LRMDA: variants seen among roughly 807,000 people sequenced by gnomAD.
LRMDA encodes leucine-rich melanocyte differentiation-associated protein.
A neutral mutation model predicts 29.8 loss-of-function variants in LRMDA; 18 were observed. The observed-to-expected ratio is 0.60, with a 90% CI of 0.42 to 0.90. The LOEUF (loss-of-function observed/expected upper bound fraction) is 0.90. Ranked by LOEUF, LRMDA falls within the 40% of genes least tolerant of loss-of-function variation. The pLI, the probability that LRMDA is intolerant of heterozygous loss-of-function variation, is 0.00. For missense variants in LRMDA, 273 were observed against 273.9 expected (o/e 1.00, Z 0.02); for synonymous variants, 125 against 109.4 (o/e 1.14, Z -0.89).
intron 2 of LRMDA, among the ~76,000 whole-genome samples, chr10:76,011,474 G>A (rs1247163448): frequency 1.1e-4 from 17 of 152,184 alleles, no homozygotes; most frequent in Non-Finnish European, 1.5e-5. Context: ...GAGCCAGTGT[G>A]TGACCATGAG....
intron 6 of LRMDA, among the ~76,000 whole-genome samples, chr10:76,365,107 T>TATATATATATATATATATATACACAC (rs141131236): frequency 9.8e-4 from 60 of 61,216 alleles, no homozygotes; most frequent in African/African-American, 1.8e-3. Context: ...TATATATATA[T>TATATATATATATATATATATACACAC]ACACACACAC....
At chr10:76,180,320 C>T (rs966140543) in intron 5 of LRMDA, among the ~76,000 whole-genome samples, 13 of 130,716 alleles carry the variant, frequency 9.9e-5, no homozygotes, top group Middle Eastern at 4.4e-3. Context: ...GAGTCTCACA[C>T]TGTCACCCCG....
chr10:75,547,493 G>A (rs948712246), intron 2 of LRMDA, among the ~76,000 whole-genome samples: 1 of 152,180 alleles, frequency 6.6e-6, no homozygotes, highest in African/African-American at 2.4e-5. Context: ...TGGGGCTGTG[G>A]TGCCCACACA....
At chr10:75,923,485 C>G (rs1432274807) in intron 2 of LRMDA, among the ~76,000 whole-genome samples, 1 of 152,124 alleles carries the variant, frequency 6.6e-6, no homozygotes, top group East Asian at 1.9e-4. Flanking sequence ...GAGGAAAACC[C>G]CTAGAAATGG....
At chr10:75,568,075 T>C (rs945638816) in intron 2 of LRMDA, among the ~76,000 whole-genome samples, 1 of 152,182 alleles carries the variant, frequency 6.6e-6, no homozygotes, top group Non-Finnish European at 1.5e-5. Flanking sequence ...AGACAAATTG[T>C]AGTCTTTTTA....
At chr10:75,724,160 G>T (rs553603949) in intron 2 of LRMDA, among the ~76,000 whole-genome samples, 45 of 152,308 alleles carry the variant, frequency 3.0e-4, no homozygotes, top group African/African-American at 1.1e-3. Context: ...TGGTAATTCA[G>T]CATGAAAGAA....
chr10:76,149,380 T>C (rs1005284238), intron 5 of LRMDA, among the ~76,000 whole-genome samples: 5 of 152,338 alleles, frequency 3.3e-5, no homozygotes, highest in African/African-American at 9.6e-5. Flanking sequence ...CTGTAAGTGA[T>C]TGGCTGAGTG....
Position 76,298,420 on chromosome 10 carries a change from C to G in LRMDA, c.517-25981C>G, listed in dbSNP as rs555241746. 2.9e-4 allele frequency among the ~76,000 whole-genome samples: 44 copies of G among 152,330 alleles called. 1 individual carries two copies. The East Asian group carries it at 7.2e-3, about 25-fold the overall frequency. On this transcript the variant is annotated intron_variant, in intron 5 of 6. Coordinates refer to ENST00000611255, the MANE Select transcript of LRMDA (RefSeq NM_001305581.2). ...ATCTGGAGTGGCTGCCATCCTCTCT[C>G]CTTGTCCTTTACTTACTCATTAACT...
intron 2 of LRMDA, among the ~76,000 whole-genome samples, chr10:75,676,381 C>T (rs756450278): frequency 1.3e-4 from 20 of 152,154 alleles, no homozygotes; most frequent in African/African-American, 1.9e-4. Flanking sequence ...AAATGATCTT[C>T]GTAATTTTTT....
At chr10:75,901,882 G>A (rs1020775435) in intron 2 of LRMDA, among the ~76,000 whole-genome samples, 15 of 151,876 alleles carry the variant, frequency 9.9e-5, no homozygotes, top group African/African-American at 3.4e-4. Flanking sequence ...CTTTTTCTTC[G>A]CTCCCCAAGT....
chr10:76,161,613 GAC>G (rs1217673766), intron 5 of LRMDA, among the ~76,000 whole-genome samples: 2 of 152,188 alleles, frequency 1.3e-5, no homozygotes, highest in Admixed American at 1.3e-4. Context: ...GTATTAGAAA[GAC>G]ACAGCCCAAG....
At chr10:75,525,787 A>G (rs1187367408) in intron 2 of LRMDA, among the ~76,000 whole-genome samples, 2 of 151,270 alleles carry the variant, frequency 1.3e-5, no homozygotes, top group Non-Finnish European at 2.9e-5. Context: ...CTCTTAGGGT[A>G]TTTCTTACCA....
At chr10:75,913,812 T>C (rs1845884679) in intron 2 of LRMDA, among the ~76,000 whole-genome samples, 1 of 152,228 alleles carries the variant, frequency 6.6e-6, no homozygotes, top group Non-Finnish European at 1.5e-5. Flanking sequence ...GAGAACGTCC[T>C]GGAGCCCCTG....
chr10:75,436,406 A>AT (rs1216743870), intron 1 of LRMDA, among the ~76,000 whole-genome samples: 3 of 151,790 alleles, frequency 2.0e-5, no homozygotes, highest in Non-Finnish European at 4.4e-5. Flanking sequence ...AATGGGATGG[A>AT]TTTTCTGGTG....
At chr10:76,288,444 A>G (rs1408659206) in intron 5 of LRMDA, among the ~76,000 whole-genome samples, 2 of 152,228 alleles carry the variant, frequency 1.3e-5, no homozygotes, top group African/African-American at 4.8e-5. Flanking sequence ...CCACTATGGA[A>G]TACTATGCAG....
chr10:76,120,740 C>G (rs1354855694), intron 5 of LRMDA, among the ~76,000 whole-genome samples: 1 of 151,908 alleles, frequency 6.6e-6, no homozygotes, highest in Admixed American at 6.6e-5. Context: ...GGACTTGAAT[C>G]AAGACCAATA....
At chr10:75,935,990 T>G (rs1301719267) in intron 2 of LRMDA, among the ~76,000 whole-genome samples, 2 of 150,924 alleles carry the variant, frequency 1.3e-5, no homozygotes, top group Non-Finnish European at 2.9e-5. Context: ...TGCCCCCTCA[T>G]TTTTATTTTT....
chr10:76,003,672 A>G (rs1847599422), intron 2 of LRMDA, among the ~76,000 whole-genome samples: 1 of 152,152 alleles, frequency 6.6e-6, no homozygotes. Flanking sequence ...AGATGAGTAA[A>G]TGGCAGGTAA....
chr10:75,678,972 G>A (rs1564537874), intron 2 of LRMDA, among the ~76,000 whole-genome samples: 1 of 152,134 alleles, frequency 6.6e-6, no homozygotes, highest in Non-Finnish European at 1.5e-5. Flanking sequence ...CAACGAAAGA[G>A]TCCCTGGGGC....
Sources: allele counts gnomAD v4.1 joint callset (sites outside exome capture counted in the v4.1 genomes callset), GRCh38; gene constraint gnomAD v4.1.1; transcripts MANE v1.5; gene names NCBI Gene and HGNC (gene_info 2026-07-23, HGNC 2026-07-21).